The following KIAA1328 variants were observed in gnomAD, a reference collection of about 807,000 sequenced individuals.
KIAA1328 encodes KIAA1328.
In KIAA1328, 52 loss-of-function variants were observed where a neutral mutation model predicts 68.1. The ratio of observed to expected loss-of-function variants is 0.76; its 90% CI spans 0.61 to 0.96. The LOEUF (loss-of-function observed/expected upper bound fraction) is 0.96, where lower values mean the gene tolerates loss of function less well. Ranked by LOEUF, KIAA1328 falls within the 40% of genes least tolerant of loss-of-function variation. The probability of loss-of-function intolerance (pLI) is 0.00; values close to 1 mark genes in which losing one functional copy is unlikely to be tolerated. For synonymous variants in KIAA1328, 232 were observed against 239.4 expected (o/e 0.97, Z 0.28); for missense variants, 641 against 677.6 (o/e 0.95, Z 0.60).
chr18:37,197,803 G>T (rs2060031648), intron 9 of KIAA1328, among the ~76,000 whole-genome samples: 1 of 152,110 alleles, frequency 6.6e-6, no homozygotes, highest in African/African-American at 2.4e-5. Context: ...TCCTTAAAAG[G>T]CTAAACATAC....
chr18:37,142,691 A>G (rs980209840), intron 7 of KIAA1328, among the ~76,000 whole-genome samples: 18 of 152,272 alleles, frequency 1.2e-4, no homozygotes, highest in African/African-American at 3.4e-4. Context: ...GTCCATTCTT[A>G]TATCAATGCC....
chr18:37,107,440 A>G (rs2057804091), intron 7 of KIAA1328, among the ~76,000 whole-genome samples: 1 of 152,232 alleles, frequency 6.6e-6, no homozygotes, highest in Non-Finnish European at 1.5e-5. Flanking sequence ...TCTGTAAATT[A>G]CTTTGGGCAG....
chr18:36,891,470 C>A (rs1225422898), intron 5 of KIAA1328, among the ~76,000 whole-genome samples: 4 of 152,282 alleles, frequency 2.6e-5, no homozygotes, highest in Admixed American at 2.6e-4. Context: ...CTCTTCCCCC[C>A]TCTGCTGAGT....
At chr18:37,136,310 C>A (rs1468993740) in intron 7 of KIAA1328, among the ~76,000 whole-genome samples, 1 of 152,096 alleles carries the variant, frequency 6.6e-6, no homozygotes, top group Admixed American at 6.6e-5. Flanking sequence ...TATTGGACTA[C>A]TCTCAGTTCT....
rs190756739 is a variant in KIAA1328, at chr18:37,137,399, C to A, written c.1233-22801C>A. Among the ~76,000 whole-genome samples, 24 of 152,218 alleles carry A rather than the reference C, an allele frequency of 1.6e-4. No homozygotes were observed. In the East Asian group the frequency reaches 2.1e-3, roughly 14 times the overall value. The stretch of plus-strand genomic sequence containing the variant: ...TTTTTGCCTTGCTATTGAGCTACTG[C>A]CCCATGTTTTTCTTTTTTCCATATT... On this transcript the variant is annotated intron_variant, in intron 7 of 9. Coordinates refer to ENST00000280020, the MANE Select transcript of KIAA1328 (RefSeq NM_020776.3).
chr18:37,084,880 A>G (rs2057057067), intron 7 of KIAA1328, among the ~76,000 whole-genome samples: 1 of 152,196 alleles, frequency 6.6e-6, no homozygotes, highest in Non-Finnish European at 1.5e-5. Flanking sequence ...TAGGTCTGCA[A>G]CAATCAATCT....
intron 4 of KIAA1328, among the ~76,000 whole-genome samples, chr18:36,868,418 C>A (rs1334364806): frequency 6.6e-6 from 1 of 152,084 alleles, no homozygotes; most frequent in Non-Finnish European, 1.5e-5. Flanking sequence ...GTTTGCATAG[C>A]TGGGGAAAGC....
chr18:36,870,163 G>T (rs1316488238), intron 4 of KIAA1328, among the ~76,000 whole-genome samples: 1 of 152,078 alleles, frequency 6.6e-6, no homozygotes, highest in African/African-American at 2.4e-5. Context: ...TGCCCGGCCT[G>T]AAAGTGTTAT....
intron 7 of KIAA1328, among the ~76,000 whole-genome samples, chr18:37,101,578 G>A (rs1258408018): frequency 1.3e-5 from 2 of 152,172 alleles, no homozygotes; most frequent in African/African-American, 4.8e-5. Flanking sequence ...ATGGAACCAA[G>A]TTGTAAAACA....
chr18:36,994,466 T>C (rs898830477), intron 6 of KIAA1328, among the ~76,000 whole-genome samples: 1 of 152,216 alleles, frequency 6.6e-6, no homozygotes, highest in Admixed American at 6.5e-5. Context: ...CTTTAGAAGA[T>C]ACTCCCTCCC....
intron 5 of KIAA1328, among the ~76,000 whole-genome samples, chr18:36,910,246 TGGTTTTA>T (rs2049384951): frequency 1.3e-5 from 2 of 152,290 alleles, no homozygotes; most frequent in Admixed American, 1.3e-4. Context: ...AGGGTTTTTA[TGGTTTTA>T]GGTCTAACAT....
chr18:36,941,259 G>A (rs1470112983), intron 5 of KIAA1328, among the ~76,000 whole-genome samples: 1 of 152,030 alleles, frequency 6.6e-6, no homozygotes, highest in Non-Finnish European at 1.5e-5. Context: ...TTCTTATAAA[G>A]CTCTGTACCT....
intron 4 of KIAA1328, among the ~76,000 whole-genome samples, chr18:36,847,875 C>T (rs1423986867): frequency 6.6e-6 from 1 of 151,598 alleles, no homozygotes; most frequent in Non-Finnish European, 1.5e-5. Context: ...ACCTTAGCCT[C>T]CTTGTCACAC....
chr18:37,153,855 T>G (rs1419732559), intron 7 of KIAA1328, among the ~76,000 whole-genome samples: 2 of 90,376 alleles, frequency 2.2e-5, no homozygotes, highest in Non-Finnish European at 3.9e-5. Context: ...TTCTTTTTCT[T>G]TTAAAAAAAA....
intron 6 of KIAA1328, among the ~76,000 whole-genome samples, chr18:37,037,447 G>GT (rs1473031827): frequency 1.3e-5 from 2 of 151,970 alleles, no homozygotes; most frequent in South Asian, 2.1e-4. Flanking sequence ...TCATAATTTA[G>GT]TTTTTTTACT....
intron 3 of KIAA1328, 66 bp downstream of exon 3, chr18:36,835,442 G>T: frequency 7.0e-7 from 1 of 1,425,234 alleles, no homozygotes; most frequent in Non-Finnish European, 9.6e-7. Context: ...ACCAAAAAGG[G>T]TAGAAGAACC....
At chr18:37,141,121 T>C (rs1040516541) in intron 7 of KIAA1328, among the ~76,000 whole-genome samples, 17 of 152,198 alleles carry the variant, frequency 1.1e-4, no homozygotes, top group Admixed American at 7.2e-4. Flanking sequence ...TTGCATTCAG[T>C]GAAAGGCACA....
Position 37,081,486 on chromosome 18 carries a change from T to A in KIAA1328, c.1232+13941T>A, listed in dbSNP as rs1185601341. Among the ~76,000 whole-genome samples, 3 of 152,186 alleles carry A rather than the reference T, an allele frequency of 2.0e-5. No individual in the cohort carries two copies. The South Asian group carries it at 6.2e-4, about 31-fold the overall frequency. On this transcript the variant is annotated intron_variant, in intron 7 of 9. Coordinates refer to ENST00000280020, the MANE Select transcript of KIAA1328 (RefSeq NM_020776.3). ...GTTTATGTAATTTTATCACTTTGGG[T>A]CATCTGAAACTCAACCTTCTGCACA...
chr18:37,038,268 A>C (rs1281180179), intron 6 of KIAA1328, among the ~76,000 whole-genome samples: 2 of 152,142 alleles, frequency 1.3e-5, no homozygotes, highest in Non-Finnish European at 2.9e-5. Context: ...TCGTTTGGGA[A>C]GAAATAACTT....
Sources: allele counts gnomAD v4.1 joint callset (sites outside exome capture counted in the v4.1 genomes callset), GRCh38; gene constraint gnomAD v4.1.1; transcripts MANE v1.5; gene names NCBI Gene and HGNC (gene_info 2026-07-23, HGNC 2026-07-21).